NEMF: variants seen among roughly 807,000 people sequenced by gnomAD.
NEMF encodes nuclear export mediator factor.
A neutral mutation model predicts 162.2 loss-of-function variants in NEMF; 89 were observed. That is an observed-to-expected ratio of 0.55 (90% CI 0.46 to 0.65). NEMF has a LOEUF of 0.65. Ranked by LOEUF, NEMF falls within the 30% of genes least tolerant of loss-of-function variation. NEMF has a pLI of 0.00. For missense variants in NEMF, 1,133 were observed against 1,261.9 expected, an observed-to-expected ratio of 0.90 and a Z score of 1.55; for synonymous variants, 421 against 404.5, an observed-to-expected ratio of 1.04 and a Z score of -0.49.
Position 49,800,705 on chromosome 14 carries a change from T to A in NEMF, c.2096-9A>T. ...GCTCGTGTCACCTCCATCTGTAGAA[T>A]TATCATAAGGAAAGTCAGTGTGGGA... On this transcript the variant is annotated splice_polypyrimidine_tract_variant and intron_variant, in intron 22 of 32. Coordinates refer to ENST00000298310, the MANE Select transcript of NEMF (RefSeq NM_004713.6). 6.2e-7 allele frequency: 1 copy of A among 1,609,602 alleles called. No individual in the cohort carries two copies. Among genetic ancestry groups the A allele is most frequent in the Non-Finnish European group, 8.5e-7 (1 of 1,177,810 alleles).
intron 3 of NEMF, among the ~76,000 whole-genome samples, chr14:49,850,535 T>C (rs139874356): frequency 6.6e-5 from 10 of 152,322 alleles, no homozygotes; most frequent in African/African-American, 2.4e-4. Flanking sequence ...AAGCTATTAA[T>C]TCAAAGTTAA....
Position 49,783,134 on chromosome 14 carries a change from C to T in NEMF, c.*1502G>A. 2.1e-6 allele frequency: 1 copy of T among 475,922 alleles called. No individual in the cohort carries two copies. Among genetic ancestry groups the T allele is most frequent in the Non-Finnish European group, 3.6e-6 (1 of 277,312 alleles). 29.5% of individuals were successfully genotyped at this position (475,922 alleles called of 1,614,324 possible). A position where few individuals can be genotyped will look rare whatever the true frequency, so the allele number is the denominator to read the frequency against. On this transcript the variant is annotated 3_prime_UTR_variant, in exon 33 of 33. Transcript: ENST00000298310. ...TAAAGTTTACAATAAATGTATTTAA[C>T]ACCAGTAGCTGTCCTCTATTAAAGT...
intron 4 of NEMF, among the ~76,000 whole-genome samples, chr14:49,842,970 C>T (rs953716786): frequency 2.0e-5 from 3 of 151,934 alleles, no homozygotes; most frequent in African/African-American, 7.3e-5. Flanking sequence ...CACACCACTG[C>T]ACTCCAGCCT....
chr14:49,832,459 G>A (rs1311791754), intron 8 of NEMF, among the ~76,000 whole-genome samples, 182 bp from the exon 9 acceptor site: 2 of 151,872 alleles, frequency 1.3e-5, no homozygotes, highest in Admixed American at 6.6e-5. Context: ...AGCCTCCCAA[G>A]TAGCTGGGAT....
intron 11 of NEMF, among the ~76,000 whole-genome samples, chr14:49,830,079 T>C (rs1433843495): frequency 1.3e-5 from 2 of 152,256 alleles, no homozygotes; most frequent in Non-Finnish European, 2.9e-5. Flanking sequence ...ATTTCAAGGT[T>C]ATCAATTGGG....
chr14:49,784,541 T>G lies in NEMF; in HGVS notation c.*95A>C. ...CAAGGCAATGTTTAGTTCATTTTTA[T>G]AATGCGGAAATCCTGATACATGGTG... On this transcript the variant is annotated 3_prime_UTR_variant, in exon 33 of 33. Coordinates refer to ENST00000298310, the MANE Select transcript of NEMF (RefSeq NM_004713.6). 4 of 830,400 alleles carry G rather than the reference T, an allele frequency of 4.8e-6. No individual in the cohort carries two copies. The highest frequency in any genetic ancestry group is 7.8e-6 in the Non-Finnish European group (4 of 513,940). The allele number at this position is 830,400 out of a possible 1,614,324, so 51.4% of individuals were successfully genotyped here. A position where few individuals can be genotyped will look rare whatever the true frequency, so the allele number is the denominator to read the frequency against.
At position 49,800,608 on chromosome 14, in the gene NEMF, AT is replaced by A. The variant is rs1430498818; in HGVS notation, c.2183del (p.Asp728ValfsTer11). 1.2e-6 allele frequency: 2 copies of A among 1,613,818 alleles called. No individual in the cohort carries two copies. The highest frequency in any genetic ancestry group is 1.7e-6 in the Non-Finnish European group (2 of 1,179,884). ...VELMTQVDQE[D>X]ITLQSGRDEL... Reference sequence around the variant, plus strand: ...CATCTCTGCCACTCTGAAGAGTGATATCCTCTTGGTCAACCTGAGTCATGAG... The same window carrying A: ...CATCTCTGCCACTCTGAAGAGTGATACCTCTTGGTCAACCTGAGTCATGAG... On this transcript the variant is annotated frameshift_variant, in exon 23 of 33. Coordinates refer to ENST00000298310, the MANE Select transcript of NEMF (RefSeq NM_004713.6). LOFTEE classifies it high-confidence loss of function.
chr14:49,842,817 G>C (rs977598342), intron 4 of NEMF, among the ~76,000 whole-genome samples: 2 of 152,114 alleles, frequency 1.3e-5, no homozygotes, highest in Non-Finnish European at 2.9e-5. Flanking sequence ...GACCAGACTG[G>C]CCAACATGGT....
intron 16 of NEMF, among the ~76,000 whole-genome samples, chr14:49,817,432 T>C (rs180980233): frequency 6.6e-6 from 1 of 152,272 alleles, no homozygotes; most frequent in African/African-American, 2.4e-5. Context: ...AGAGCAAGAC[T>C]ATGTCTCAAA....
chr14:49,802,763 C>CA (rs1471809151), intron 20 of NEMF, 36 bp from the exon 21 acceptor site: 6 of 1,515,500 alleles, frequency 4.0e-6, no homozygotes, highest in Non-Finnish European at 5.4e-6. Flanking sequence ...CTTTGAAAAT[C>CA]AGTCTTCTCC....
chr14:49,845,419 C>T (rs775952517), intron 4 of NEMF, among the ~76,000 whole-genome samples: 4 of 152,104 alleles, frequency 2.6e-5, no homozygotes, highest in African/African-American at 7.2e-5. Context: ...TGAGTCATTG[C>T]GCTCAGCCAA....
intron 29 of NEMF, 96 bp from the exon 30 acceptor site, chr14:49,785,416 C>T: frequency 1.2e-6 from 1 of 823,322 alleles, no homozygotes; most frequent in East Asian, 2.6e-5. Context: ...TATTTTTTAT[C>T]TTTTCCTGAT....
Position 49,788,276 on chromosome 14 carries a change from CAAAAAAAAAA to C in NEMF, c.2895+860_2895+869del, listed in dbSNP as rs35896786. On this transcript the variant is annotated intron_variant, in intron 28 of 32. Transcript: ENST00000298310. ...CCTGGGCAACAGAGCAAGACTGCCT[CAAAAAAAAAA>C]AAAAAAAAAATTCAAGAAGAGGTAC... Among the ~76,000 whole-genome samples the C allele has an allele frequency of 9.0e-4, 71 of 78,562 alleles. 1 individual carries two copies. In the East Asian group the frequency reaches 0.019, roughly 21 times the overall value. The allele number at this position is 78,562 out of a possible 152,430, so 51.5% of individuals were successfully genotyped here.
At chr14:49,803,354 C>T in intron 19 of NEMF, 60 bp from the exon 20 acceptor site, 1 of 1,208,234 alleles carries the variant, frequency 8.3e-7, no homozygotes, top group Non-Finnish European at 1.2e-6. Flanking sequence ...TTTTCTTTTT[C>T]CACTTGAGGA....
intron 25 of NEMF, among the ~76,000 whole-genome samples, chr14:49,798,935 C>G (rs1392254747): frequency 6.6e-6 from 1 of 151,308 alleles, no homozygotes; most frequent in Non-Finnish European, 1.5e-5. Flanking sequence ...AAGTGAAGGC[C>G]GGGCACAATG....
intron 6 of NEMF, among the ~76,000 whole-genome samples, chr14:49,837,917 C>A (rs895316415): frequency 4.0e-5 from 6 of 151,572 alleles, no homozygotes; most frequent in Non-Finnish European, 5.9e-5. Flanking sequence ...ACCATTAGCA[C>A]TGAAGTACTA....
At chr14:49,830,838 A>G (rs893779155) in intron 11 of NEMF, among the ~76,000 whole-genome samples, 1 of 152,382 alleles carries the variant, frequency 6.6e-6, no homozygotes. Context: ...AAAATACTGT[A>G]TATCACTTCT....
Position 49,802,504 on chromosome 14 carries a change from T to A in NEMF, c.2044A>T (p.Thr682Ser). ...KVRVQDEDME[T>S]LASCTSELIS... The stretch of plus-strand genomic sequence containing the variant: ...AGTTCACTTGTACAACTTGCCAGTG[T>A]CTCCATGTCTTCATCCTGTACTCTG... Residue 682 changes from threonine (T) to serine (S), a missense_variant, in exon 22 of 33, where the codon ACA becomes TCA. Physicochemically the swap from Thr to Ser is moderately conservative, Grantham distance 58. Coordinates refer to ENST00000298310, the MANE Select transcript of NEMF (RefSeq NM_004713.6). The A allele has an allele frequency of 6.2e-7, 1 of 1,613,942 alleles. No homozygotes were observed. Among genetic ancestry groups the A allele is most frequent in the Non-Finnish European group, 8.5e-7 (1 of 1,179,890 alleles).
At chr14:49,833,261 C>A (rs375104036) in intron 8 of NEMF, among the ~76,000 whole-genome samples, 162 bp downstream of exon 8, 23 of 151,834 alleles carry the variant, frequency 1.5e-4, no homozygotes, top group African/African-American at 5.6e-4. Flanking sequence ...GCAAGACTGT[C>A]TCAAAAAACA....
Sources: allele counts gnomAD v4.1 joint callset (sites outside exome capture counted in the v4.1 genomes callset), GRCh38; gene constraint gnomAD v4.1.1; transcripts MANE v1.5; gene names NCBI Gene and HGNC (gene_info 2026-07-23, HGNC 2026-07-21).